DCAF8L2: variants seen among roughly 807,000 people sequenced by gnomAD.
DCAF8L2 encodes the protein DDB1 and CUL4 associated factor 8 like 2.
For missense variants in DCAF8L2, 430 were observed against 490.7 expected (o/e 0.88, Z 1.17); for synonymous variants, 200 against 190.9 (o/e 1.05, Z -0.39).
intron 2 of DCAF8L2, among the ~76,000 whole-genome samples, chrX:27,672,085 G>T (rs906163855): frequency 8.9e-6 from 1 of 112,148 alleles, no homozygotes; most frequent in Admixed American, 9.5e-5. Flanking sequence ...TGACAAACTA[G>T]AGAGAAGCAT....
the DCAF8L2 span, among the ~76,000 whole-genome samples, chrX:27,520,368 T>C: frequency 1.8e-5 from 2 of 111,954 alleles, no homozygotes; most frequent in African/African-American, 6.5e-5. Flanking sequence ...AAATGATTTC[T>C]GTCAAATAAT....
chrX:27,690,139 T>C (rs1025396090), intron 3 of DCAF8L2, among the ~76,000 whole-genome samples: 1 of 111,651 alleles, frequency 9.0e-6, no homozygotes, highest in Non-Finnish European at 1.9e-5. Context: ...GATATTAATA[T>C]TGTTAAATTA....
At chrX:27,524,706 T>C in the DCAF8L2 span, among the ~76,000 whole-genome samples, 2 of 111,765 alleles carry the variant, frequency 1.8e-5, no homozygotes, top group Non-Finnish European at 3.8e-5. Flanking sequence ...TTTGAATGTG[T>C]CCCAGAGATT....
upstream of DCAF8L2, among the ~76,000 whole-genome samples, chrX:27,587,843 C>G (rs1925932819): frequency 9.2e-6 from 1 of 109,158 alleles, no homozygotes; most frequent in South Asian, 3.9e-4. Context: ...ATGGGGTCTA[C>G]CCCTCTCCCC....
chrX:27,530,700 C>T, the DCAF8L2 span, among the ~76,000 whole-genome samples: 2 of 111,935 alleles, frequency 1.8e-5, no homozygotes, highest in African/African-American at 6.5e-5. Flanking sequence ...CTGAGCAGTT[C>T]AAATATTTCC....
the DCAF8L2 span, among the ~76,000 whole-genome samples, chrX:27,471,781 C>G: frequency 1.0e-3 from 117 of 111,538 alleles, no homozygotes; most frequent in African/African-American, 3.7e-3. Context: ...AAAGATAGGT[C>G]TCGGCCCATC....
chrX:27,672,143 A>T (rs770426999), intron 2 of DCAF8L2, among the ~76,000 whole-genome samples: 2 of 112,102 alleles, frequency 1.8e-5, no homozygotes, highest in African/African-American at 6.5e-5. Context: ...ATTCCATATC[A>T]AACAGTGTTT....
At chrX:27,745,632 A>G (rs1231256764) in intron 4 of DCAF8L2, among the ~76,000 whole-genome samples, 1 of 112,051 alleles carries the variant, frequency 8.9e-6, no homozygotes, top group African/African-American at 3.2e-5. Flanking sequence ...AAGACTGTAT[A>G]CTTCTATTTT....
At chrX:27,643,891 T>C (rs1405855292) in intron 2 of DCAF8L2, among the ~76,000 whole-genome samples, 2 of 111,895 alleles carry the variant, frequency 1.8e-5, no homozygotes, top group Non-Finnish European at 3.8e-5. Flanking sequence ...CATGCTAATA[T>C]AGTGTTCCAA....
At chrX:27,471,218 T>A in the DCAF8L2 span, among the ~76,000 whole-genome samples, 1 of 112,262 alleles carries the variant, frequency 8.9e-6, no homozygotes, top group African/African-American at 3.2e-5. Context: ...CTTATTTGAA[T>A]TTTTGTGGTT....
chrX:27,700,548 T>C (rs1203619902), intron 3 of DCAF8L2, among the ~76,000 whole-genome samples: 4 of 111,540 alleles, frequency 3.6e-5, no homozygotes, highest in African/African-American at 6.5e-5. Flanking sequence ...TGATTGATTC[T>C]TTTGATTCAA....
At chrX:27,545,782 G>T in the DCAF8L2 span, among the ~76,000 whole-genome samples, 1 of 111,971 alleles carries the variant, frequency 8.9e-6, no homozygotes, top group Non-Finnish European at 1.9e-5. Flanking sequence ...AATCATAGTG[G>T]AAGGGGAAGC....
At chrX:27,527,463 T>G in the DCAF8L2 span, among the ~76,000 whole-genome samples, 1 of 110,898 alleles carries the variant, frequency 9.0e-6, no homozygotes, top group South Asian at 3.9e-4. Flanking sequence ...CCTGACCCCT[T>G]TTGCTTCCTG....
chrX:27,519,312 AG>A, the DCAF8L2 span: 2 of 1,052,952 alleles, frequency 1.9e-6, no homozygotes, highest in African/African-American at 3.7e-5. Context: ...AAGAAGAAGC[AG>A]AGCGGCTTGA....
At chrX:27,597,304 C>T (rs1368979137) in intron 1 of DCAF8L2, among the ~76,000 whole-genome samples, 1 of 111,366 alleles carries the variant, frequency 9.0e-6, no homozygotes, top group Non-Finnish European at 1.9e-5. Flanking sequence ...ATTTTCAATT[C>T]TGATTTATTC....
chrX:27,524,171 G>T, the DCAF8L2 span, among the ~76,000 whole-genome samples: 3 of 111,329 alleles, frequency 2.7e-5, no homozygotes, highest in Non-Finnish European at 5.7e-5. Flanking sequence ...GACTTTTTTT[G>T]GTTGGTAGAT....
chrX:27,506,112 G>T, the DCAF8L2 span, among the ~76,000 whole-genome samples: 1 of 111,682 alleles, frequency 9.0e-6, no homozygotes, highest in Non-Finnish European at 1.9e-5. Flanking sequence ...GCTCTTAGTA[G>T]ATCAATATTC....
At chrX:27,626,580 T>TA (rs1422239042) in intron 1 of DCAF8L2, among the ~76,000 whole-genome samples, 3 of 111,992 alleles carry the variant, frequency 2.7e-5, no homozygotes, top group African/African-American at 9.7e-5. Context: ...TGATGTTGAG[T>TA]AAAAATTACC....
At chrX:27,590,991 T>TTTTATATATATATATATATATATA (rs761150025) in intron 1 of DCAF8L2, among the ~76,000 whole-genome samples, 7 of 68,050 alleles carry the variant, frequency 1.0e-4, no homozygotes, top group Admixed American at 9.9e-4. Context: ...CCTTTACATT[T>TTTTATATATATATATATATATATA]TATATATATA....
Sources: gnomAD v4.1 joint callset for allele counts (sites outside exome capture counted in the v4.1 genomes callset) on GRCh38, gnomAD v4.1.1 for gene constraint, MANE v1.5 for transcripts, NCBI Gene and HGNC (gene_info 2026-07-23, HGNC 2026-07-21) for gene names.